Variants in RASSF6 observed in about 807,000 individuals in gnomAD.
RASSF6 encodes the protein Ras association domain family member 6.
RASSF6 carries 52 observed loss-of-function variants against 44.0 expected under a neutral mutation model. The ratio of observed to expected loss-of-function variants is 1.18; its 90% CI spans 0.95 to 1.49. The LOEUF (loss-of-function observed/expected upper bound fraction) is 1.49. Among genes scored for constraint, RASSF6 ranks in the 40% most tolerant of loss-of-function variants. The pLI is 0.00. For missense variants in RASSF6, 464 were observed against 393.3 expected, an observed-to-expected ratio of 1.18 and a Z score of -1.52; for synonymous variants, 162 against 124.6, an observed-to-expected ratio of 1.30 and a Z score of -2.00.
Position 73,574,268 on chromosome 4 carries a change from G to A in RASSF6, c.*1967C>T, listed in dbSNP as rs1723080807. The A allele has an allele frequency of 6.6e-6, 1 of 152,422 alleles. No individual in the cohort carries two copies. Among genetic ancestry groups the A allele is most frequent in the Non-Finnish European group, 1.5e-5 (1 of 68,174 alleles). The allele number at this position is 152,422 out of a possible 1,614,324, so 9.4% of individuals were successfully genotyped here. ...CAAAGTTATGCTAGGTTCCTGCAAA[G>A]TAGGTCCCTCCGGCTCCTAATCCCA... On this transcript the variant is annotated 3_prime_UTR_variant, in exon 11 of 11. Transcript: ENST00000307439.
Position 73,611,776 on chromosome 4 carries a change from T to TG in RASSF6, c.19dup (p.Gln7ProfsTer9). On this transcript the variant is annotated frameshift_variant, in exon 2 of 11. Coordinates refer to ENST00000307439, the MANE Select transcript of RASSF6 (RefSeq NM_177532.5). LOFTEE classifies it high-confidence loss of function. ...ATTAATGAAGATCCAAGAGGGGTACTGGTGAGCCATCATAGTCATCTTTTC... is the reference window on the plus strand; with the variant it reads ...ATTAATGAAGATCCAAGAGGGGTACTGGGTGAGCCATCATAGTCATCTTTTC... The TG allele has an allele frequency of 6.2e-7, 1 of 1,611,734 alleles. No individual in the cohort carries two copies. The highest frequency in any genetic ancestry group is 8.5e-7 in the Non-Finnish European group (1 of 1,178,244).
At position 73,593,509 on chromosome 4, in the gene RASSF6, C is replaced by T. The variant is rs750142602; in HGVS notation, c.229G>A (p.Glu77Lys). Residue 77 changes from glutamate (E) to lysine (K), a missense_variant, in exon 4 of 11, where the codon GAG becomes AAG. Transcript: ENST00000307439. ...CTAGTAAAAGAAGAGAATGGCTTCT[C>T]ATCTTGTATTTTTAGCTGTATAGGT... Reference protein sequence around the residue: ...KRPIQLKIQDEKPFSSFTSMK... With the variant: ...KRPIQLKIQDKKPFSSFTSMK... 1.2e-6 allele frequency: 2 copies of T among 1,613,688 alleles called. No individual in the cohort carries two copies. The highest frequency in any genetic ancestry group is 4.5e-5 in the East Asian group (2 of 44,862).
chr4:73,614,247 T>C (rs941637877), intron 1 of RASSF6, among the ~76,000 whole-genome samples: 2 of 152,180 alleles, frequency 1.3e-5, no homozygotes, highest in African/African-American at 4.8e-5. Context: ...TTTCCTGGAT[T>C]ATTGCGTCAG....
intron 2 of RASSF6, among the ~76,000 whole-genome samples, chr4:73,600,357 G>C (rs1055355511): frequency 4.0e-5 from 6 of 150,312 alleles, no homozygotes; most frequent in African/African-American, 1.5e-4. Context: ...AACAAAGGAA[G>C]AAAAGCTTTC....
intron 2 of RASSF6, among the ~76,000 whole-genome samples, chr4:73,604,890 T>TA (rs1171243271): frequency 6.6e-6 from 1 of 151,286 alleles, no homozygotes; most frequent in Non-Finnish European, 1.5e-5. Flanking sequence ...CTTTCTTTTT[T>TA]TTTTTTTTTG....
chr4:73,574,073 T>G lies in RASSF6; in HGVS notation c.*2162A>C, dbSNP rs1723068429. ...CCACTTGCTTCTCTAGCTTTTGCTT[T>G]GGGCAGTGGTGGTATAACCTGGAGC... On this transcript the variant is annotated 3_prime_UTR_variant, in exon 11 of 11. Transcript: ENST00000307439. 2.0e-5 allele frequency: 3 copies of G among 152,418 alleles called. No individual in the cohort carries two copies. The highest frequency in any genetic ancestry group is 2.4e-5 in the African/African-American group (1 of 41,452). 9.4% of individuals were successfully genotyped at this position (152,418 alleles called of 1,614,324 possible). A position where few individuals can be genotyped will look rare whatever the true frequency, so the allele number is the denominator to read the frequency against.
In RASSF6 at chr4:73,585,305, G is replaced by A; in HGVS notation, c.442C>T (p.Pro148Ser). 2 of 1,611,714 alleles carry A rather than the reference G, an allele frequency of 1.2e-6. No homozygotes were observed. The highest frequency in any genetic ancestry group is 1.7e-6 in the Non-Finnish European group (2 of 1,178,644). ...TCACTCATGGTTCTATAGAGCACTGGGGAGTCTGGTTCATCCTTTGCATGT... is the reference window on the plus strand; with the variant it reads ...TCACTCATGGTTCTATAGAGCACTGAGGAGTCTGGTTCATCCTTTGCATGT... Reference protein sequence around the residue: ...KPHAKDEPDSPVLYRTMSEAA... With the variant: ...KPHAKDEPDSSVLYRTMSEAA... The change falls in exon 6 of 11, where the codon CCA becomes TCA. Residue 148 changes from proline (P) to serine (S), a missense_variant. By Grantham distance (74) the Pro-to-Ser change is moderately conservative. Coordinates refer to ENST00000307439, the MANE Select transcript of RASSF6 (RefSeq NM_177532.5).
At chr4:73,619,827 T>G (rs1726583152) in intron 1 of RASSF6, among the ~76,000 whole-genome samples, 1 of 152,146 alleles carries the variant, frequency 6.6e-6, no homozygotes, top group South Asian at 2.1e-4. Flanking sequence ...TCTGTCACTT[T>G]GCAGAAACAA....
chr4:73,602,446 A>AT (rs1725333785), intron 2 of RASSF6, among the ~76,000 whole-genome samples: 1 of 152,236 alleles, frequency 6.6e-6, no homozygotes, highest in Non-Finnish European at 1.5e-5. Context: ...ACCTATAATA[A>AT]TTACAGGCAT....
At position 73,576,201 on chromosome 4, in the gene RASSF6, T is replaced by C; in HGVS notation, c.*34A>G. The C allele has an allele frequency of 8.0e-7, 1 of 1,250,214 alleles. No homozygotes were observed. Among genetic ancestry groups the C allele is most frequent in the Non-Finnish European group, 1.1e-6 (1 of 875,372 alleles). The allele number at this position is 1,250,214 out of a possible 1,614,324, so 77.4% of individuals were successfully genotyped here. Reference sequence around the variant, plus strand: ...CATCAAAGAGTAATATCTCTGAGTTTTTTGAAATGTTTTAGCAATAGAAGC... The same window carrying C: ...CATCAAAGAGTAATATCTCTGAGTTCTTTGAAATGTTTTAGCAATAGAAGC... On this transcript the variant is annotated 3_prime_UTR_variant, in exon 11 of 11. Transcript: ENST00000307439.
chr4:73,612,508 G>T (rs1360811621), intron 1 of RASSF6, among the ~76,000 whole-genome samples: 1 of 129,682 alleles, frequency 7.7e-6, no homozygotes, highest in African/African-American at 3.0e-5. Context: ...AAAAAAAAAC[G>T]TTGTGTATAA....
intron 1 of RASSF6, among the ~76,000 whole-genome samples, chr4:73,614,898 A>G (rs1726249688): frequency 6.6e-6 from 1 of 152,250 alleles, no homozygotes; most frequent in African/African-American, 2.4e-5. Flanking sequence ...TTGAGTAGGA[A>G]ATAATATTAT....
At chr4:73,577,275 A>G (rs972580718) in intron 8 of RASSF6, among the ~76,000 whole-genome samples, 2 of 152,182 alleles carry the variant, frequency 1.3e-5, no homozygotes, top group African/African-American at 4.8e-5. Flanking sequence ...AGCCATGAAA[A>G]TGAGATAGAG....
chr4:73,598,274 T>C (rs1024691849), intron 3 of RASSF6, among the ~76,000 whole-genome samples: 8 of 152,240 alleles, frequency 5.3e-5, no homozygotes, highest in Non-Finnish European at 4.4e-5. Flanking sequence ...TCATAATTTA[T>C]TTGAATAATC....
chr4:73,576,822 C>T (rs1723268792), intron 8 of RASSF6, 91 bp from the exon 9 acceptor site: 2 of 833,756 alleles, frequency 2.4e-6, no homozygotes, highest in Non-Finnish European at 3.8e-6. Context: ...TCGTATTTAA[C>T]TCACTTTGAA....
intron 8 of RASSF6, 84 bp downstream of exon 8, chr4:73,581,733 G>C: frequency 1.2e-6 from 1 of 858,342 alleles, no homozygotes. Context: ...CACAGAATGA[G>C]GCAAACTGTT....
chr4:73,616,534 G>A (rs995989621), intron 1 of RASSF6, among the ~76,000 whole-genome samples: 5 of 152,066 alleles, frequency 3.3e-5, no homozygotes, highest in Admixed American at 1.3e-4. Context: ...CCAACATACA[G>A]AGAGGTATAT....
At chr4:73,594,464 C>T (rs967405421) in intron 3 of RASSF6, among the ~76,000 whole-genome samples, 4 of 152,220 alleles carry the variant, frequency 2.6e-5, no homozygotes, top group African/African-American at 7.2e-5. Flanking sequence ...TGCTCAAACC[C>T]TGGCTCTGCC....
In RASSF6 at chr4:73,576,488, A is replaced by C; in HGVS notation, c.860T>G (p.Phe287Cys). 9 of 1,583,212 alleles carry C rather than the reference A, an allele frequency of 5.7e-6. No individual in the cohort carries two copies. Among genetic ancestry groups the C allele is most frequent in the Non-Finnish European group, 7.7e-6 (9 of 1,163,500 alleles). Residue 287 changes from phenylalanine to cysteine, a missense_variant, in exon 10 of 11, where the codon TTT becomes TGT. Coordinates refer to ENST00000307439, the MANE Select transcript of RASSF6 (RefSeq NM_177532.5). ...ISSDVAQYIN[F>C]HFSLLESILQ... ...AATGGATTCCAAGAGAGAAAAGTGA[A>C]AGTTAATGTACTGAGCCACCTAAGA...
Sources: allele counts gnomAD v4.1 joint callset (sites outside exome capture counted in the v4.1 genomes callset), GRCh38; gene constraint gnomAD v4.1.1; transcripts MANE v1.5; gene names NCBI Gene and HGNC (gene_info 2026-07-23, HGNC 2026-07-21).